The following B3GALT1 variants were observed in gnomAD, a reference collection of about 807,000 sequenced individuals.
B3GALT1 encodes beta-1,3-galactosyltransferase 1.
Under a neutral mutation model 23.2 loss-of-function variants are expected in B3GALT1, and 10 were observed. The observed-to-expected ratio is 0.43, with a 90% CI of 0.27 to 0.73. B3GALT1 has a LOEUF of 0.73. Ranked by LOEUF, B3GALT1 falls within the 30% of genes least tolerant of loss-of-function variation. The probability of loss-of-function intolerance (pLI) is 0.21; values close to 1 mark genes in which losing one functional copy is unlikely to be tolerated. For synonymous variants in B3GALT1, 156 were observed against 141.5 expected (o/e 1.10, Z -0.73); for missense variants, 299 against 405.4 (o/e 0.74, Z 2.25).
chr2:167,615,513 T>C lies in B3GALT1; in HGVS notation c.-409-31396T>C, dbSNP rs541862725. 3.9e-5 allele frequency among the ~76,000 whole-genome samples: 6 copies of C among 152,188 alleles called. No individual in the cohort carries two copies. The East Asian group carries it at 9.7e-4, about 25-fold the overall frequency. On this transcript the variant is annotated intron_variant, in intron 2 of 4. Coordinates refer to ENST00000392690, the MANE Select transcript of B3GALT1 (RefSeq NM_020981.4). Reference sequence around the variant, plus strand: ...AGTTAATAATAATGTATTGTATGCTTAAAAATCACTAGAAAAGTAGATTTT... The same window carrying C: ...AGTTAATAATAATGTATTGTATGCTCAAAAATCACTAGAAAAGTAGATTTT...
chr2:167,523,424 C>T (rs1446515758), intron 2 of B3GALT1, among the ~76,000 whole-genome samples: 1 of 126,086 alleles, frequency 7.9e-6, no homozygotes, highest in African/African-American at 3.3e-5. Context: ...TCTTGTGTAT[C>T]CCTTTTTTTT....
At chr2:167,708,232 G>A (rs1347368410) in intron 3 of B3GALT1, among the ~76,000 whole-genome samples, 4 of 152,216 alleles carry the variant, frequency 2.6e-5, no homozygotes, top group African/African-American at 9.6e-5. Context: ...TGAAGTGTGA[G>A]GAGACAGAAG....
At chr2:167,456,272 C>G (rs571548739) in intron 1 of B3GALT1, among the ~76,000 whole-genome samples, 3 of 152,178 alleles carry the variant, frequency 2.0e-5, no homozygotes, top group African/African-American at 7.2e-5. Context: ...TTTAAACAAT[C>G]AGTTTTTGCA....
At chr2:167,416,862 T>C (rs1490644940) in intron 1 of B3GALT1, among the ~76,000 whole-genome samples, 4 of 152,220 alleles carry the variant, frequency 2.6e-5, no homozygotes, top group Non-Finnish European at 4.4e-5. Context: ...TCAGATTAGC[T>C]TGCGGCCTGT....
At position 167,516,947 on chromosome 2, in the gene B3GALT1, T is replaced by C. The variant is rs914241120; in HGVS notation, c.-410+26670T>C. Among the ~76,000 whole-genome samples, 27 of 96,296 alleles carry C rather than the reference T, an allele frequency of 2.8e-4. No homozygotes were observed. In the East Asian group the frequency reaches 0.026, roughly 91 times the overall value. 63.2% of individuals were successfully genotyped at this position (96,296 alleles called of 152,430 possible). On this transcript the variant is annotated intron_variant, in intron 2 of 4. Coordinates refer to ENST00000392690, the MANE Select transcript of B3GALT1 (RefSeq NM_020981.4). ...CATATGACATATAAGTACTTCTGTG[T>C]GTGTATATATATATATATATATATG...
At chr2:167,312,562 C>G (rs1696649678) in intron 1 of B3GALT1, among the ~76,000 whole-genome samples, 1 of 151,536 alleles carries the variant, frequency 6.6e-6, no homozygotes, top group Non-Finnish European at 1.5e-5. Context: ...CAACAGGCAC[C>G]AATAGAAAAT....
chr2:167,505,350 T>C (rs1699903565), intron 2 of B3GALT1, among the ~76,000 whole-genome samples: 1 of 152,184 alleles, frequency 6.6e-6, no homozygotes, highest in Admixed American at 6.5e-5. Flanking sequence ...GAAAGGAGTA[T>C]TTTTAAGTGT....
chr2:167,348,761 A>G (rs1697263235), intron 1 of B3GALT1, among the ~76,000 whole-genome samples: 2 of 152,142 alleles, frequency 1.3e-5, no homozygotes, highest in Non-Finnish European at 1.5e-5. Flanking sequence ...GCTCTCCCAG[A>G]TTACCTCAGT....
chr2:167,411,224 T>TAACAACAAC (rs141653413), intron 1 of B3GALT1, among the ~76,000 whole-genome samples: 5 of 150,618 alleles, frequency 3.3e-5, no homozygotes, highest in Non-Finnish European at 4.4e-5. Context: ...ATCTTCTGTA[T>TAACAACAAC]AACAACAACA....
intron 1 of B3GALT1, among the ~76,000 whole-genome samples, chr2:167,363,398 C>T (rs1374773987): frequency 2.6e-5 from 4 of 151,990 alleles, no homozygotes; most frequent in Non-Finnish European, 5.9e-5. Flanking sequence ...GCTGGCTTGC[C>T]TCCAGATTCA....
chr2:167,628,223 C>T (rs1217228284), intron 2 of B3GALT1, among the ~76,000 whole-genome samples: 4 of 151,428 alleles, frequency 2.6e-5, no homozygotes, highest in South Asian at 2.1e-4. Context: ...CCTATTGTTC[C>T]GTTGTGAATT....
intron 1 of B3GALT1, among the ~76,000 whole-genome samples, chr2:167,325,539 C>A (rs545703797): frequency 1.3e-5 from 2 of 151,898 alleles, no homozygotes; most frequent in Admixed American, 6.6e-5. Context: ...GAAACTGCCC[C>A]CCATGATCCA....
chr2:167,449,360 A>G lies in B3GALT1; in HGVS notation c.-510-40817A>G, dbSNP rs1393921613. Among the ~76,000 whole-genome samples the G allele has an allele frequency of 5.3e-5, 8 of 151,972 alleles. 1 individual carries two copies. The highest frequency in any genetic ancestry group is 1.9e-4 in the East Asian group (1 of 5,178). On this transcript the variant is annotated intron_variant, in intron 1 of 4. Coordinates refer to ENST00000392690, the MANE Select transcript of B3GALT1 (RefSeq NM_020981.4). The stretch of plus-strand genomic sequence containing the variant: ...TTGTTTGTTGTTTGTTTTTGAAGCT[A>G]TTGTAAAAGGTGTTGAGTTCTTGAT...
At chr2:167,422,940 G>A (rs1438477766) in intron 1 of B3GALT1, among the ~76,000 whole-genome samples, 2 of 152,220 alleles carry the variant, frequency 1.3e-5, no homozygotes, top group Middle Eastern at 3.4e-3. Flanking sequence ...ACAGAGCTGA[G>A]GGGAGCTATA....
rs114918742 is a variant in B3GALT1 at position 167,680,192 on chromosome 2, G to C, written c.-352+33226G>C. ...ATATTTTGTAAATGGAAAATATCAC[G>C]TAGAAAGTTAAACCTTTGCTTCAGA... is the stretch of plus-strand genomic sequence containing the variant. On this transcript the variant is annotated intron_variant, in intron 3 of 4. Transcript: ENST00000392690. Among the ~76,000 whole-genome samples the C allele has an allele frequency of 7.7e-3, 1,175 of 152,276 alleles. 16 individuals carry two copies. Among genetic ancestry groups the C allele is most frequent in the African/African-American group, 0.026 (1,100 of 41,556 alleles).
intron 1 of B3GALT1, among the ~76,000 whole-genome samples, chr2:167,379,261 G>A (rs1336461192): frequency 6.6e-6 from 1 of 152,022 alleles, no homozygotes; most frequent in African/African-American, 2.4e-5. Context: ...CAGCATGGGG[G>A]AAACGGCCCC....
At chr2:167,819,532 C>T (rs1689063310) in intron 4 of B3GALT1, among the ~76,000 whole-genome samples, 1 of 152,136 alleles carries the variant, frequency 6.6e-6, no homozygotes, top group Non-Finnish European at 1.5e-5. Flanking sequence ...GAAAGAAGCA[C>T]CATGCTGGCA....
chr2:167,387,971 G>C (rs529289658), intron 1 of B3GALT1, among the ~76,000 whole-genome samples: 5 of 152,120 alleles, frequency 3.3e-5, no homozygotes, highest in Non-Finnish European at 7.4e-5. Flanking sequence ...ATCACTAATG[G>C]CATTTCCTAA....
At chr2:167,398,471 T>C (rs1178149373) in intron 1 of B3GALT1, among the ~76,000 whole-genome samples, 5 of 152,110 alleles carry the variant, frequency 3.3e-5, no homozygotes, top group African/African-American at 4.8e-5. Context: ...TGATAATAGC[T>C]AATAGGTCAT....
Sources: allele counts gnomAD v4.1 joint callset (sites outside exome capture counted in the v4.1 genomes callset), GRCh38; gene constraint gnomAD v4.1.1; transcripts MANE v1.5; gene names NCBI Gene and HGNC (gene_info 2026-07-23, HGNC 2026-07-21).